The following KCNIP4 variants were observed in gnomAD, a reference collection of about 807,000 sequenced individuals.
The protein encoded by KCNIP4 is potassium voltage-gated channel interacting protein 4.
KCNIP4 carries 12 observed loss-of-function variants against 34.0 expected under a neutral mutation model. The observed-to-expected ratio is 0.35, with a 90% CI of 0.23 to 0.57. The LOEUF (loss-of-function observed/expected upper bound fraction) is 0.57. Among genes scored for constraint, KCNIP4 ranks in the 20% least tolerant of loss-of-function variants. The probability of loss-of-function intolerance (pLI) is 0.83; values close to 1 mark genes in which losing one functional copy is unlikely to be tolerated. For missense variants in KCNIP4, 238 were observed against 311.7 expected, an observed-to-expected ratio of 0.76 and a Z score of 1.78; for synonymous variants, 124 against 102.2, an observed-to-expected ratio of 1.21 and a Z score of -1.29.
At chr4:21,332,633 C>T (rs1296862468) in intron 1 of KCNIP4, among the ~76,000 whole-genome samples, 1 of 151,986 alleles carries the variant, frequency 6.6e-6, no homozygotes, top group Non-Finnish European at 1.5e-5. Context: ...TCATCCAATC[C>T]TTAACAAGCC....
At chr4:21,436,169 G>A (rs541328954) in intron 1 of KCNIP4, among the ~76,000 whole-genome samples, 1 of 152,280 alleles carries the variant, frequency 6.6e-6, no homozygotes, top group South Asian at 2.1e-4. Context: ...TGAAGTAGAT[G>A]AGCTCAATGT....
At chr4:21,657,572 T>C (rs1345164049) in intron 1 of KCNIP4, among the ~76,000 whole-genome samples, 1 of 152,208 alleles carries the variant, frequency 6.6e-6, no homozygotes, top group Non-Finnish European at 1.5e-5. Context: ...GGATTATTAT[T>C]TATGAAATTA....
At chr4:20,928,244 C>T (rs890645606) in intron 1 of KCNIP4, among the ~76,000 whole-genome samples, 1 of 147,044 alleles carries the variant, frequency 6.8e-6, no homozygotes, top group African/African-American at 2.5e-5. Flanking sequence ...AAGATAGTTT[C>T]TTTTTTTTTT....
chr4:21,948,499 G>T, intron 1 of KCNIP4, 72 bp downstream of exon 1: 2 of 1,518,130 alleles, frequency 1.3e-6, no homozygotes, highest in Non-Finnish European at 1.8e-6. Flanking sequence ...GGAAGGGAAG[G>T]GGCAGCCGTC....
At chr4:21,586,832 C>T (rs538334756) in intron 1 of KCNIP4, among the ~76,000 whole-genome samples, 2 of 152,130 alleles carry the variant, frequency 1.3e-5, no homozygotes, top group South Asian at 4.2e-4. Context: ...GTAATCATCA[C>T]TTATGTGTGT....
intron 1 of KCNIP4, among the ~76,000 whole-genome samples, chr4:21,765,216 T>C (rs1718331550): frequency 6.6e-6 from 1 of 151,254 alleles, no homozygotes; most frequent in South Asian, 2.1e-4. Flanking sequence ...AATGGAGTGA[T>C]GCGATCTCAG....
At chr4:21,810,825 T>C (rs1438555463) in intron 1 of KCNIP4, among the ~76,000 whole-genome samples, 1 of 151,634 alleles carries the variant, frequency 6.6e-6, no homozygotes, top group Non-Finnish European at 1.5e-5. Context: ...AGAGAGGCAA[T>C]GGATTCCCTT....
At chr4:21,208,416 T>A (rs1757001716) in intron 1 of KCNIP4, among the ~76,000 whole-genome samples, 1 of 152,158 alleles carries the variant, frequency 6.6e-6, no homozygotes, top group Non-Finnish European at 1.5e-5. Context: ...ATACCTATAA[T>A]CCCCTCCAAA....
intron 1 of KCNIP4, among the ~76,000 whole-genome samples, chr4:21,078,995 A>G (rs1419147319): frequency 6.6e-6 from 1 of 152,054 alleles, no homozygotes; most frequent in Non-Finnish European, 1.5e-5. Context: ...CCCTCTTGGA[A>G]GCCAAATTGC....
At chr4:21,432,562 C>A (rs1007953454) in intron 1 of KCNIP4, among the ~76,000 whole-genome samples, 6 of 152,232 alleles carry the variant, frequency 3.9e-5, no homozygotes, top group African/African-American at 1.4e-4. Context: ...ATTTTAGTAT[C>A]TCTGCTCAAA....
At chr4:21,210,619 A>G (rs1757151116) in intron 1 of KCNIP4, among the ~76,000 whole-genome samples, 1 of 152,192 alleles carries the variant, frequency 6.6e-6, no homozygotes, top group East Asian at 1.9e-4. Context: ...TTTGATCATT[A>G]TTGCCCAATA....
intron 1 of KCNIP4, among the ~76,000 whole-genome samples, chr4:21,673,286 C>T (rs1191558069): frequency 6.6e-6 from 1 of 152,188 alleles, no homozygotes; most frequent in Admixed American, 6.5e-5. Context: ...ACAGTATATA[C>T]TCAAAATGAC....
intron 1 of KCNIP4, among the ~76,000 whole-genome samples, chr4:20,886,813 G>A (rs1156304): frequency 6.6e-6 from 1 of 151,964 alleles, no homozygotes; most frequent in Non-Finnish European, 1.5e-5. Context: ...AGAATGCTTC[G>A]AAACAATATT....
In KCNIP4 at chr4:21,088,807, G is replaced by C. The variant is rs74886111; in HGVS notation, c.62-206098C>G. ...CCCCCCGCCCATATCAAACTGCACT[G>C]TTCCTTCACAGAATTCAACAGCATT... On this transcript the variant is annotated intron_variant, in intron 1 of 8. Coordinates refer to ENST00000382152, the MANE Select transcript of KCNIP4 (RefSeq NM_025221.6). 1.6e-3 allele frequency among the ~76,000 whole-genome samples: 247 copies of C among 152,154 alleles called. 6 individuals are homozygous for C. In the East Asian group the frequency reaches 0.033, roughly 20 times the overall value.
intron 1 of KCNIP4, among the ~76,000 whole-genome samples, chr4:20,998,463 TA>T (rs1737769936): frequency 6.6e-6 from 1 of 152,224 alleles, no homozygotes; most frequent in Non-Finnish European, 1.5e-5. Context: ...TGATCTACAA[TA>T]AAAGTCTATA....
chr4:21,595,310 A>C (rs1302240066), intron 1 of KCNIP4, among the ~76,000 whole-genome samples: 1 of 152,158 alleles, frequency 6.6e-6, no homozygotes, highest in Non-Finnish European at 1.5e-5. Flanking sequence ...GTCCCTGCAC[A>C]GGACATGAAC....
At chr4:21,819,399 G>A (rs1722189566) in intron 1 of KCNIP4, among the ~76,000 whole-genome samples, 1 of 152,148 alleles carries the variant, frequency 6.6e-6, no homozygotes, top group African/African-American at 2.4e-5. Context: ...CACTCCCTCA[G>A]AGCTGTCTTG....
At chr4:20,980,745 T>C (rs1266214917) in intron 1 of KCNIP4, among the ~76,000 whole-genome samples, 1 of 151,874 alleles carries the variant, frequency 6.6e-6, no homozygotes, top group Non-Finnish European at 1.5e-5. Context: ...ACATGTAAGC[T>C]CAATGCTGCC....
intron 1 of KCNIP4, among the ~76,000 whole-genome samples, chr4:21,914,949 G>C (rs1312327741): frequency 2.0e-5 from 3 of 151,940 alleles, no homozygotes; most frequent in Admixed American, 1.3e-4. Context: ...AAGTATGAAA[G>C]GTTCTTTTTT....
Sources: allele counts gnomAD v4.1 joint callset (sites outside exome capture counted in the v4.1 genomes callset), GRCh38; gene constraint gnomAD v4.1.1; transcripts MANE v1.5; gene names NCBI Gene and HGNC (gene_info 2026-07-23, HGNC 2026-07-21).